The following LARGE1 variants were observed in gnomAD, a reference collection of about 807,000 sequenced individuals.
LARGE1 encodes LARGE xylosyl- and glucuronyltransferase 1.
In LARGE1, 43 loss-of-function variants were observed where a neutral mutation model predicts 87.6. The ratio of observed to expected loss-of-function variants is 0.49; its 90% CI spans 0.38 to 0.63. LARGE1 has a LOEUF of 0.63. LARGE1 is among the 30% of genes least tolerant of loss of function. LARGE1 has a pLI of 0.00. For missense variants in LARGE1, 802 were observed against 1,000.2 expected, an observed-to-expected ratio of 0.80 and a Z score of 2.67; for synonymous variants, 434 against 394.6, an observed-to-expected ratio of 1.10 and a Z score of -1.18.
intron 6 of LARGE1, among the ~76,000 whole-genome samples, chr22:33,528,140 G>A (rs562054246): frequency 1.3e-5 from 2 of 148,476 alleles, no homozygotes; most frequent in East Asian, 4.0e-4. Flanking sequence ...CGGGGGGGGC[G>A]GGGCGGGGTA....
chr22:33,122,754 G>T, the LARGE1 span, among the ~76,000 whole-genome samples: 7 of 152,188 alleles, frequency 4.6e-5, no homozygotes, highest in South Asian at 1.4e-3. Context: ...ACAAACTCCT[G>T]TACAAACTTC....
At chr22:33,314,803 G>C (rs1439462009) in intron 11 of LARGE1, among the ~76,000 whole-genome samples, 2 of 152,216 alleles carry the variant, frequency 1.3e-5, no homozygotes, top group Non-Finnish European at 2.9e-5. Context: ...AGTCTGACAA[G>C]GTGGGAAGGG....
intron 11 of LARGE1, among the ~76,000 whole-genome samples, chr22:33,208,849 G>C (rs767920875): frequency 6.6e-6 from 1 of 152,224 alleles, no homozygotes; most frequent in African/African-American, 2.4e-5. Context: ...GTGATAGTTC[G>C]CTGAGAATGA....
intron 6 of LARGE1, among the ~76,000 whole-genome samples, chr22:33,558,473 C>T (rs2077759776): frequency 6.6e-6 from 1 of 152,192 alleles, no homozygotes; most frequent in Non-Finnish European, 1.5e-5. Context: ...ATCACCTCCT[C>T]AAATTTCACA....
intron 9 of LARGE1, among the ~76,000 whole-genome samples, chr22:33,349,185 G>C (rs1940116799): frequency 5.3e-5 from 8 of 152,172 alleles, no homozygotes. Context: ...CAGGCCTTCA[G>C]ACTCAGATTG....
intron 7 of LARGE1, among the ~76,000 whole-genome samples, chr22:33,407,713 C>G (rs2066151586): frequency 6.6e-6 from 1 of 152,114 alleles, no homozygotes. Flanking sequence ...CTCCCGAGAC[C>G]ATGCTTTCTG....
chr22:33,757,460 A>T (rs937630250), intron 2 of LARGE1, among the ~76,000 whole-genome samples: 2 of 152,202 alleles, frequency 1.3e-5, no homozygotes, highest in Non-Finnish European at 2.9e-5. Flanking sequence ...AAGGCCTACC[A>T]TGAAGAGCAA....
intron 2 of LARGE1, among the ~76,000 whole-genome samples, chr22:33,697,253 C>A (rs559060152): frequency 6.6e-6 from 1 of 152,280 alleles, no homozygotes; most frequent in African/African-American, 2.4e-5. Flanking sequence ...TGGTTCTCGT[C>A]CTGCTTATAC....
intron 1 of LARGE1, among the ~76,000 whole-genome samples, chr22:33,844,619 G>C (rs2063376736): frequency 1.3e-5 from 2 of 152,122 alleles, no homozygotes; most frequent in Admixed American, 6.5e-5. Context: ...CTGCCATGGG[G>C]TCTGGGGATT....
At chr22:33,200,028 T>C (rs1476993566) in intron 11 of LARGE1, among the ~76,000 whole-genome samples, 1 of 152,004 alleles carries the variant, frequency 6.6e-6, no homozygotes, top group African/African-American at 2.4e-5. Flanking sequence ...TTTGTATTTT[T>C]AGTAGAGATG....
chr22:33,791,938 A>C (rs138659761), intron 1 of LARGE1, among the ~76,000 whole-genome samples: 67 of 152,316 alleles, frequency 4.4e-4, no homozygotes, highest in African/African-American at 1.5e-3. Context: ...ACTTGATAAC[A>C]TTACCTCGTT....
chr22:33,783,357 G>A (rs551041186), intron 1 of LARGE1, among the ~76,000 whole-genome samples: 111 of 152,288 alleles, frequency 7.3e-4, no homozygotes, highest in Non-Finnish European at 1.3e-3. Flanking sequence ...CTGAGGTCAG[G>A]AGTTCGAGAA....
chr22:33,860,971 G>A (rs2063902127), intron 1 of LARGE1, among the ~76,000 whole-genome samples: 1 of 152,156 alleles, frequency 6.6e-6, no homozygotes, highest in Admixed American at 6.5e-5. Flanking sequence ...TCCTTGGAGT[G>A]TGAAGCCTGC....
At chr22:33,295,818 T>C (rs768721523) in intron 12 of LARGE1, among the ~76,000 whole-genome samples, 10 of 152,100 alleles carry the variant, frequency 6.6e-5, no homozygotes, top group Non-Finnish European at 1.2e-4. Flanking sequence ...AGGTCAGACA[T>C]GGGCATGTCA....
At chr22:33,127,929 A>G in the LARGE1 span, among the ~76,000 whole-genome samples, 1 of 152,228 alleles carries the variant, frequency 6.6e-6, no homozygotes, top group Non-Finnish European at 1.5e-5. Context: ...TGTTCATCAT[A>G]TCTGGAACAT....
intron 1 of LARGE1, among the ~76,000 whole-genome samples, chr22:33,867,859 G>A (rs1299009257): frequency 6.6e-6 from 1 of 152,136 alleles, no homozygotes; most frequent in East Asian, 1.9e-4. Context: ...GTCCTACCTA[G>A]AACACCAAGA....
intron 2 of LARGE1, among the ~76,000 whole-genome samples, chr22:33,677,282 A>G (rs1249454658): frequency 3.5e-5 from 5 of 143,034 alleles, no homozygotes; most frequent in South Asian, 2.2e-4. Context: ...ACAGTCTTTC[A>G]GGAGTTAAAA....
intron 6 of LARGE1, among the ~76,000 whole-genome samples, chr22:33,501,688 G>A (rs894304419): frequency 3.3e-5 from 5 of 152,198 alleles, no homozygotes; most frequent in Non-Finnish European, 7.3e-5. Context: ...GCATCCAGAT[G>A]GGGCGGCAGG....
At chr22:33,417,889 C>T (rs1351611475) in intron 7 of LARGE1, among the ~76,000 whole-genome samples, 1 of 150,924 alleles carries the variant, frequency 6.6e-6, no homozygotes, top group Non-Finnish European at 1.5e-5. Context: ...CCTTCTCCTA[C>T]TTCAAGTTTC....
Sources: gnomAD v4.1 joint callset for allele counts (sites outside exome capture counted in the v4.1 genomes callset) on GRCh38, gnomAD v4.1.1 for gene constraint, MANE v1.5 for transcripts, NCBI Gene and HGNC (gene_info 2026-07-23, HGNC 2026-07-21) for gene names.